Variants in SLC4A4 observed in about 807,000 individuals in gnomAD.
SLC4A4 encodes solute carrier family 4 member 4.
In SLC4A4, 27 loss-of-function variants were observed where a neutral mutation model predicts 111.5. That is an observed-to-expected ratio of 0.24 (90% confidence interval 0.18 to 0.33). SLC4A4 has a LOEUF of 0.33. Ranked by LOEUF, SLC4A4 falls within the 10% of genes least tolerant of loss-of-function variation. SLC4A4 has a pLI of 1.00. For missense variants in SLC4A4, 909 were observed against 1,315.5 expected, an observed-to-expected ratio of 0.69 and a Z score of 4.78; for synonymous variants, 443 against 463.4, an observed-to-expected ratio of 0.96 and a Z score of 0.57.
intron 16 of SLC4A4, among the ~76,000 whole-genome samples, chr4:71,517,809 T>C (rs1732546542): frequency 6.6e-6 from 1 of 152,240 alleles, no homozygotes. Context: ...GCAGGTTTTC[T>C]GTTGTGTTCC....
In SLC4A4 at chr4:71,422,338, A is replaced by G. The variant is rs1487035832; in HGVS notation, c.808-18278A>G. ...AATAACAGGATCTGAAATTGTGGCA[A>G]TAATCAATAGCTTACCAACCAAAAA... On this transcript the variant is annotated intron_variant, in intron 7 of 25. Transcript: ENST00000264485. Among the ~76,000 whole-genome samples, 41 of 147,272 alleles carry G rather than the reference A, an allele frequency of 2.8e-4. No individual in the cohort carries two copies. The East Asian group carries it at 7.9e-3, about 28-fold the overall frequency.
intron 4 of SLC4A4, among the ~76,000 whole-genome samples, chr4:71,340,516 G>A (rs536608359): frequency 6.6e-6 from 1 of 152,038 alleles, no homozygotes; most frequent in East Asian, 1.9e-4. Context: ...GTATACATAG[G>A]GTTTAGTACT....
intron 2 of SLC4A4, among the ~76,000 whole-genome samples, chr4:71,101,198 G>C (rs1001608548): frequency 1.3e-5 from 2 of 152,164 alleles, no homozygotes; most frequent in Non-Finnish European, 2.9e-5. Context: ...AGTGGAGCTT[G>C]CAGTGAGCTG....
At chr4:71,329,123 C>T (rs1727738596) in intron 3 of SLC4A4, among the ~76,000 whole-genome samples, 1 of 151,910 alleles carries the variant, frequency 6.6e-6, no homozygotes, top group Non-Finnish European at 1.5e-5. Flanking sequence ...AATGAGCTCA[C>T]TGTAGATGTA....
In SLC4A4 at chr4:71,569,542, C is replaced by T. The variant is rs1737776223; in HGVS notation, c.*1791C>T. The stretch of plus-strand genomic sequence containing the variant: ...TAAAGGTAATATTTTTAATATGATA[C>T]ATTACATATTGTGAATGTATACTAA... On this transcript the variant is annotated 3_prime_UTR_variant, in exon 26 of 26. Coordinates refer to ENST00000264485, the MANE Select transcript of SLC4A4 (RefSeq NM_001098484.3). The T allele has an allele frequency of 6.6e-6, 1 of 151,544 alleles. No individual in the cohort carries two copies. Among genetic ancestry groups the T allele is most frequent in the Admixed American group, 6.6e-5 (1 of 15,186 alleles). 9.4% of individuals were successfully genotyped at this position (151,544 alleles called of 1,614,324 possible).
chr4:71,110,139 A>G lies in SLC4A4; in HGVS notation c.-2+17347A>G, dbSNP rs181381961. 6.6e-5 allele frequency among the ~76,000 whole-genome samples: 10 copies of G among 152,228 alleles called. No homozygotes were observed. In the East Asian group the frequency reaches 1.9e-3, roughly 29 times the overall value. ...TTGTAATTACTGTCTGGGTGGGGAA[A>G]CAGATTCCTGGTGCTTTCTATTCAA... On this transcript the variant is annotated intron_variant, in intron 2 of 26. Coordinates refer to the SLC4A4 transcript ENST00000649996.
At chr4:71,521,702 G>A (rs961600539) in intron 16 of SLC4A4, among the ~76,000 whole-genome samples, 1 of 152,158 alleles carries the variant, frequency 6.6e-6, no homozygotes, top group Non-Finnish European at 1.5e-5. Flanking sequence ...CAGTGAGACT[G>A]GGGAGCCCAT....
chr4:71,387,982 C>T (rs1032551349), intron 6 of SLC4A4, among the ~76,000 whole-genome samples: 1 of 152,138 alleles, frequency 6.6e-6, no homozygotes, highest in Non-Finnish European at 1.5e-5. Flanking sequence ...TGAAGATCCT[C>T]TTTACCTTGG....
At chr4:71,144,378 C>T (rs576957546) in intron 2 of SLC4A4, among the ~76,000 whole-genome samples, 55 of 152,278 alleles carry the variant, frequency 3.6e-4, no homozygotes, top group Middle Eastern at 3.4e-3. Flanking sequence ...AGTCAGTTAG[C>T]GTGATGCCTC....
intron 16 of SLC4A4, among the ~76,000 whole-genome samples, chr4:71,525,203 T>C (rs1166925110): frequency 5.9e-5 from 9 of 152,274 alleles, no homozygotes. Context: ...TTGAATTTCC[T>C]TTTCCATCCA....
At chr4:71,111,377 TAGAGAC>T (rs1743080897) in intron 2 of SLC4A4, among the ~76,000 whole-genome samples, 1 of 152,148 alleles carries the variant, frequency 6.6e-6, no homozygotes, top group Admixed American at 6.5e-5. Context: ...TTTATTTATT[TAGAGAC>T]AGAGTCTTGC....
chr4:71,153,054 A>AT lies in SLC4A4; in HGVS notation c.-2+60262_-2+60263insT, dbSNP rs528058780. Among the ~76,000 whole-genome samples the AT allele has an allele frequency of 4.1e-3, 574 of 140,910 alleles. 8 individuals carry two copies. The highest frequency in any genetic ancestry group is 0.015 in the African/African-American group (529 of 35,626). 92.4% of individuals were successfully genotyped at this position (140,910 alleles called of 152,430 possible). On this transcript the variant is annotated intron_variant, in intron 2 of 26. Coordinates refer to the SLC4A4 transcript ENST00000649996. Reference sequence around the variant, plus strand: ...GTGTGTATATATATATATATATATAAAAATAAAAGGAAGTTTATTAAGTAT... The same window carrying AT: ...GTGTGTATATATATATATATATATAATAAATAAAAGGAAGTTTATTAAGTAT...
At chr4:71,356,826 C>G (rs1373822635) in intron 5 of SLC4A4, among the ~76,000 whole-genome samples, 182 bp from the exon 6 acceptor site, 1 of 152,152 alleles carries the variant, frequency 6.6e-6, no homozygotes, top group Non-Finnish European at 1.5e-5. Flanking sequence ...TTGTATCTCT[C>G]TCATCAATGC....
At chr4:71,491,387 T>A (rs1458354920) in intron 15 of SLC4A4, among the ~76,000 whole-genome samples, 1 of 151,946 alleles carries the variant, frequency 6.6e-6, no homozygotes, top group Non-Finnish European at 1.5e-5. Flanking sequence ...CATTGTAACG[T>A]TGATGAAAAA....
At chr4:71,137,953 C>T (rs1373035066) in intron 2 of SLC4A4, among the ~76,000 whole-genome samples, 1 of 152,152 alleles carries the variant, frequency 6.6e-6, no homozygotes, top group Non-Finnish European at 1.5e-5. Context: ...AGAAAATGCA[C>T]TGGGGGCTTC....
intron 1 of SLC4A4, among the ~76,000 whole-genome samples, chr4:71,214,209 T>G (rs552415224): frequency 2.0e-5 from 3 of 152,124 alleles, no homozygotes; most frequent in Non-Finnish European, 2.9e-5. Context: ...CCTCCTAACT[T>G]GGTTTACACA....
chr4:71,086,917 C>T (rs1377493180), intron 1 of SLC4A4, among the ~76,000 whole-genome samples: 1 of 152,020 alleles, frequency 6.6e-6, no homozygotes, highest in Non-Finnish European at 1.5e-5. Context: ...GTGCTGGCCT[C>T]ACAAAATGAG....
chr4:71,567,887 AT>A lies in SLC4A4; in HGVS notation c.*138del. 1 of 1,469,230 alleles carries A rather than the reference AT, an allele frequency of 6.8e-7. No individual in the cohort carries two copies. The highest frequency in any genetic ancestry group is 9.3e-7 in the Non-Finnish European group (1 of 1,079,764). The allele number at this position is 1,469,230 out of a possible 1,614,324, so 91.0% of individuals were successfully genotyped here. A position where few individuals can be genotyped will look rare whatever the true frequency, so the allele number is the denominator to read the frequency against. On this transcript the variant is annotated 3_prime_UTR_variant, in exon 26 of 26. Transcript: ENST00000264485. ...GGAGGAGCAAGGGAACAGAAACTAC[AT>A]TGTAACCTGTTTGTCTTTCTTAAAA...
chr4:71,232,884 G>A (rs1467976285), intron 1 of SLC4A4, among the ~76,000 whole-genome samples: 1 of 152,242 alleles, frequency 6.6e-6, no homozygotes, highest in Non-Finnish European at 1.5e-5. Context: ...GGACTCTATA[G>A]GTTGGAAAGG....
Sources: allele counts gnomAD v4.1 joint callset (sites outside exome capture counted in the v4.1 genomes callset), GRCh38; gene constraint gnomAD v4.1.1; transcripts MANE v1.5; gene names NCBI Gene and HGNC (gene_info 2026-07-23, HGNC 2026-07-21).